The following DDHD1 variants were observed in gnomAD, a reference collection of about 807,000 sequenced individuals.
DDHD1 encodes the protein phospholipase DDHD1.
DDHD1 carries 49 observed loss-of-function variants against 96.4 expected under a neutral mutation model. That is an observed-to-expected ratio of 0.51 (90% confidence interval 0.40 to 0.64). The LOEUF is 0.64. DDHD1 is among the 30% of genes least tolerant of loss of function. The probability of loss-of-function intolerance (pLI) is 0.00; values close to 1 mark genes in which losing one functional copy is unlikely to be tolerated. For missense variants in DDHD1, 1,106 were observed against 1,161.2 expected (o/e 0.95, Z 0.69); for synonymous variants, 442 against 446.5 (o/e 0.99, Z 0.13).
intron 12 of DDHD1, among the ~76,000 whole-genome samples, chr14:53,050,090 A>G (rs1204933063): frequency 6.6e-6 from 1 of 152,212 alleles, no homozygotes; most frequent in Non-Finnish European, 1.5e-5. Flanking sequence ...ACCACAAAAC[A>G]GAGGTACAGT....
chr14:53,080,607 G>A (rs1010676103), intron 4 of DDHD1, among the ~76,000 whole-genome samples: 2 of 147,902 alleles, frequency 1.4e-5, no homozygotes, highest in East Asian at 2.0e-4. Context: ...CTTATTTCTC[G>A]TGGATCAAGT....
At chr14:53,079,292 A>AT (rs112629438) in intron 4 of DDHD1, among the ~76,000 whole-genome samples, 209 of 147,032 alleles carry the variant, frequency 1.4e-3, no homozygotes, top group African/African-American at 4.0e-3. Flanking sequence ...ATTTTTCTCT[A>AT]TTTTTTTTTT....
chr14:53,055,743 A>G lies in DDHD1; in HGVS notation c.2162T>C (p.Ile721Thr). 6.2e-7 allele frequency: 1 copy of G among 1,614,104 alleles called. No individual in the cohort carries two copies. The highest frequency in any genetic ancestry group is 1.7e-5 in the Admixed American group (1 of 60,020). ...SVSENEGISTIPSPVTSPVLS... is the reference protein window; with the variant it reads ...SVSENEGISTTPSPVTSPVLS... ...AACTGGTGAGGTCACAGGGCTTGGTATGGTTGAAATGCCTTCATTCTCTGA... is the reference window on the plus strand; with the variant it reads ...AACTGGTGAGGTCACAGGGCTTGGTGTGGTTGAAATGCCTTCATTCTCTGA... The change falls in exon 10 of 13, where the codon ATA becomes ACA. Residue 721 changes from isoleucine (I) to threonine (T), a missense_variant. This residue lies in a region of DDHD1 where 650 missense variants were observed against 758.8 expected (regional missense o/e 0.86). Transcript: ENST00000673822.
At position 53,096,258 on chromosome 14, in the gene DDHD1, A is replaced by G. The variant is rs1436535107; in HGVS notation, c.1013-2814T>C. 1.2e-5 allele frequency: 11 copies of G among 919,688 alleles called. No individual in the cohort carries two copies. In the South Asian group the frequency reaches 3.5e-4, roughly 29 times the overall value. 57.0% of individuals were successfully genotyped at this position (919,688 alleles called of 1,614,324 possible). Reference sequence around the variant, plus strand: ...ACACTGAGCTTCAAAGTAAATTTTAAATGAGATTTGCCATTTTGCCTTTTT... The same window carrying G: ...ACACTGAGCTTCAAAGTAAATTTTAGATGAGATTTGCCATTTTGCCTTTTT... On this transcript the variant is annotated intron_variant, in intron 2 of 12. Transcript: ENST00000673822.
intron 6 of DDHD1, among the ~76,000 whole-genome samples, chr14:53,071,040 C>CTT (rs1884468374): frequency 6.6e-6 from 1 of 152,024 alleles, no homozygotes; most frequent in African/African-American, 2.4e-5. Context: ...ATTATAGTAC[C>CTT]TGTAATAACA....
chr14:53,088,499 T>A (rs1886167433), intron 4 of DDHD1, among the ~76,000 whole-genome samples: 1 of 152,132 alleles, frequency 6.6e-6, no homozygotes, highest in African/African-American at 2.4e-5. Context: ...ATCCCTGGGA[T>A]GCAAGTCTGG....
At chr14:53,131,433 G>C (rs191928334) in intron 1 of DDHD1, among the ~76,000 whole-genome samples, 1 of 151,970 alleles carries the variant, frequency 6.6e-6, no homozygotes, top group Admixed American at 6.6e-5. Flanking sequence ...CAGGATCTTC[G>C]CCTTATTAAT....
chr14:53,122,807 T>C (rs1889102288), intron 1 of DDHD1, among the ~76,000 whole-genome samples: 1 of 152,008 alleles, frequency 6.6e-6, no homozygotes, highest in African/African-American at 2.4e-5. Flanking sequence ...GACCTTGTGA[T>C]CTGCCCACCT....
At chr14:53,122,696 T>C (rs375620471) in intron 1 of DDHD1, among the ~76,000 whole-genome samples, 2 of 151,644 alleles carry the variant, frequency 1.3e-5, no homozygotes, top group Non-Finnish European at 2.9e-5. Flanking sequence ...GTAGCTGAGA[T>C]TACAGGCACC....
rs1485561021 is a variant in DDHD1 at position 53,037,195 on chromosome 14, AT to A, written c.*9572del. 1 of 151,994 alleles carries A rather than the reference AT, an allele frequency of 6.6e-6. No individual in the cohort carries two copies. Among genetic ancestry groups the A allele is most frequent in the Non-Finnish European group, 1.5e-5 (1 of 67,982 alleles). 9.4% of individuals were successfully genotyped at this position (151,994 alleles called of 1,614,324 possible). A position where few individuals can be genotyped will look rare whatever the true frequency, so the allele number is the denominator to read the frequency against. On this transcript the variant is annotated 3_prime_UTR_variant, in exon 13 of 13. Transcript: ENST00000673822. ...CCACTGTTGATGGGCAGCCACGTTGATCTGTCTTTGCTACTGTGAATAGCAC... is the reference window on the plus strand; with the variant it reads ...CCACTGTTGATGGGCAGCCACGTTGACTGTCTTTGCTACTGTGAATAGCAC...
chr14:53,119,273 AGC>A (rs1466026535), intron 1 of DDHD1, among the ~76,000 whole-genome samples: 1 of 152,182 alleles, frequency 6.6e-6, no homozygotes, highest in East Asian at 1.9e-4. Context: ...CAAAATAACT[AGC>A]TAGCATCATA....
At chr14:53,065,464 T>G (rs1051750553) in intron 6 of DDHD1, among the ~76,000 whole-genome samples, 3 of 152,230 alleles carry the variant, frequency 2.0e-5, no homozygotes, top group African/African-American at 7.2e-5. Flanking sequence ...TCTGGATTTC[T>G]TGTGTTACTT....
intron 2 of DDHD1, among the ~76,000 whole-genome samples, chr14:53,102,020 G>C (rs1887337638): frequency 6.6e-6 from 1 of 151,600 alleles, no homozygotes. Flanking sequence ...TTTTTCATGT[G>C]TTAATAATAA....
At chr14:53,126,598 G>A (rs2139820507) in intron 1 of DDHD1, among the ~76,000 whole-genome samples, 1 of 152,144 alleles carries the variant, frequency 6.6e-6, no homozygotes, top group South Asian at 2.1e-4. Context: ...GAACTCCTGG[G>A]CTCAAGCAAT....
At position 53,103,558 on chromosome 14, in the gene DDHD1, T is replaced by TA. The variant is rs143209037; in HGVS notation, c.1012+124dup. 2,694 of 789,552 alleles carry TA rather than the reference T, an allele frequency of 3.4e-3. 68 individuals carry two copies. The African/African-American group carries it at 0.044, about 13-fold the overall frequency. 48.9% of individuals were successfully genotyped at this position (789,552 alleles called of 1,614,324 possible). ...TTAAATTCTAGAATAATCAAATGTTTAAAAAAATCAAATTTTCTAATTCTA... is the reference window on the plus strand; with the variant it reads ...TTAAATTCTAGAATAATCAAATGTTTAAAAAAAATCAAATTTTCTAATTCTA... On this transcript the variant is annotated intron_variant, in intron 2 of 12. Coordinates refer to ENST00000673822, the MANE Select transcript of DDHD1 (RefSeq NM_001160148.2).
chr14:53,093,268 G>C (rs762903129), intron 3 of DDHD1, 48 bp downstream of exon 3: 4 of 1,566,072 alleles, frequency 2.6e-6, no homozygotes, highest in African/African-American at 2.7e-5. Flanking sequence ...ATGAGAGAAA[G>C]TCAGATTCCC....
intron 1 of DDHD1, among the ~76,000 whole-genome samples, chr14:53,132,798 A>G (rs1889973192): frequency 2.0e-5 from 3 of 152,166 alleles, no homozygotes; most frequent in Admixed American, 6.5e-5. Flanking sequence ...GGGCCATCAA[A>G]AGGCATCACA....
At chr14:53,079,476 A>G (rs1390197042) in intron 4 of DDHD1, among the ~76,000 whole-genome samples, 1 of 152,108 alleles carries the variant, frequency 6.6e-6, no homozygotes, top group African/African-American at 2.4e-5. Context: ...TTGGAAAGTG[A>G]TTACTAAAAC....
chr14:53,067,712 C>G (rs1007455482), intron 6 of DDHD1, among the ~76,000 whole-genome samples: 1 of 152,230 alleles, frequency 6.6e-6, no homozygotes, highest in Non-Finnish European at 1.5e-5. Context: ...CCGCCTTGGC[C>G]TCCCAAAGTG....
Sources: gnomAD v4.1 joint callset for allele counts (sites outside exome capture counted in the v4.1 genomes callset) on GRCh38, gnomAD v4.1.1 for gene constraint, gnomAD v4.1.1 regional missense constraint, MANE v1.5 for transcripts, NCBI Gene and HGNC (gene_info 2026-07-23, HGNC 2026-07-21) for gene names.